SRFBP1: variants seen among roughly 807,000 people sequenced by gnomAD.
SRFBP1 encodes the protein serum response factor binding protein 1.
A neutral mutation model predicts 45.5 loss-of-function variants in SRFBP1; 47 were observed. That is an observed-to-expected ratio of 1.03 (90% CI 0.82 to 1.32). SRFBP1 has a LOEUF of 1.32. SRFBP1 is among the 40% of genes most tolerant of loss of function. SRFBP1 has a pLI of 0.00. For missense variants in SRFBP1, 621 were observed against 484.6 expected, an observed-to-expected ratio of 1.28 and a Z score of -2.64; for synonymous variants, 203 against 166.3, an observed-to-expected ratio of 1.22 and a Z score of -1.70.
rs1196474508 is a variant in SRFBP1 at position 122,027,470 on chromosome 5, G to A, written c.*344G>A. ...TATAAGCCTTTCACAAATCCAATAT[G>A]TACTTAAATTGATTTTTAATAATAT... On this transcript the variant is annotated 3_prime_UTR_variant, in exon 8 of 8. Transcript: ENST00000339397. 1 of 156,928 alleles carries A rather than the reference G, an allele frequency of 6.4e-6. No individual in the cohort carries two copies. The highest frequency in any genetic ancestry group is 2.4e-5 in the African/African-American group (1 of 41,550). 9.7% of individuals were successfully genotyped at this position (156,928 alleles called of 1,614,324 possible).
At chr5:122,029,537 C>G (rs560280470), downstream of SRFBP1, among the ~76,000 whole-genome samples, 3 of 152,218 alleles carry the variant, frequency 2.0e-5, no homozygotes, top group South Asian at 4.2e-4. Context: ...TATTTCCTTC[C>G]TCTAGTATTT....
chr5:122,062,401 G>A (rs1754185602), intron 2 of SRFBP1, among the ~76,000 whole-genome samples: 1 of 151,768 alleles, frequency 6.6e-6, no homozygotes, highest in African/African-American at 2.4e-5. Context: ...ATTAACAAAT[G>A]AGTCACATAA....
At chr5:122,001,333 A>G (rs138418809) in intron 4 of SRFBP1, among the ~76,000 whole-genome samples, 1,642 of 150,848 alleles carry the variant, frequency 0.011, 36 homozygotes, top group African/African-American at 0.038. Context: ...TGTGCAAATC[A>G]GCATGCTAGA....
chr5:121,962,371 G>C (rs1751966802), intron 1 of SRFBP1, among the ~76,000 whole-genome samples: 1 of 152,216 alleles, frequency 6.6e-6, no homozygotes, highest in South Asian at 2.1e-4. Flanking sequence ...GTTCGTCCCA[G>C]GGTTGTGAGA....
intron 2 of SRFBP1, among the ~76,000 whole-genome samples, chr5:122,037,987 G>A (rs1753719050): frequency 6.6e-6 from 1 of 152,182 alleles, no homozygotes; most frequent in African/African-American, 2.4e-5. Context: ...AGTGGAATGT[G>A]GATGAAAACT....
intron 1 of SRFBP1, among the ~76,000 whole-genome samples, chr5:121,968,040 A>C (rs1181937942): frequency 6.6e-6 from 1 of 151,960 alleles, no homozygotes; most frequent in Non-Finnish European, 1.5e-5. Flanking sequence ...TTTCTCTTAT[A>C]TATTTTTCAC....
chr5:121,973,678 A>T lies in SRFBP1; in HGVS notation c.37-518A>T, dbSNP rs75790744. On this transcript the variant is annotated intron_variant, in intron 1 of 7. Coordinates refer to ENST00000339397, the MANE Select transcript of SRFBP1 (RefSeq NM_152546.3). ...GCACACAATGCCCTTGTGTTTGTGG[A>T]TCTTCTTTTAAAATTATACTTGAAA... Among the ~76,000 whole-genome samples, 589 of 151,542 alleles carry T rather than the reference A, an allele frequency of 3.9e-3. 14 individuals are homozygous for T. The East Asian group carries it at 0.048, about 12-fold the overall frequency.
chr5:122,030,249 A>G (rs994965230), downstream of SRFBP1, among the ~76,000 whole-genome samples: 10 of 152,232 alleles, frequency 6.6e-5, no homozygotes, highest in Non-Finnish European at 8.8e-5. Context: ...CAATCCAAGA[A>G]GTATTTACTA....
chr5:122,040,373 T>C (rs1753756040), intron 2 of SRFBP1, among the ~76,000 whole-genome samples: 2 of 152,160 alleles, frequency 1.3e-5, no homozygotes, highest in African/African-American at 4.8e-5. Flanking sequence ...TACTGGAATG[T>C]TGTTTGTACT....
intron 4 of SRFBP1, among the ~76,000 whole-genome samples, chr5:121,999,645 G>C (rs1752812975): frequency 6.6e-6 from 1 of 151,878 alleles, no homozygotes; most frequent in African/African-American, 2.4e-5. Flanking sequence ...AAACTTTTAG[G>C]ATTTATGTTC....
chr5:122,062,691 A>G (rs1044562695), intron 2 of SRFBP1, among the ~76,000 whole-genome samples: 1 of 152,014 alleles, frequency 6.6e-6, no homozygotes, highest in Non-Finnish European at 1.5e-5. Flanking sequence ...TTAAGGATGA[A>G]TTGTTTTTGT....
rs756146324 is a variant in SRFBP1, at chr5:122,020,458, C to T, written c.723C>T (p.Ser241=). ...SQTKKNKGSD[S]SLSGNSDGGE... ...CCAAAAAAAACAAAGGATCTGATAG[C>T]TCACTCTCTGGTAACAGTGATGGCG... is the stretch of plus-strand genomic sequence containing the variant. Residue 241 remains serine, a synonymous_variant, in exon 6 of 8, where the codon AGC becomes AGT. Coordinates refer to ENST00000339397, the MANE Select transcript of SRFBP1 (RefSeq NM_152546.3). The T allele has an allele frequency of 3.7e-6, 6 of 1,613,910 alleles. No individual in the cohort carries two copies. The East Asian group carries it at 1.1e-4, about 30-fold the overall frequency.
intron 2 of SRFBP1, among the ~76,000 whole-genome samples, chr5:122,060,683 A>C (rs920346923): frequency 1.3e-5 from 2 of 152,100 alleles, no homozygotes; most frequent in Non-Finnish European, 2.9e-5. Flanking sequence ...CCCGGTCTGC[A>C]GGCAACCAGA....
intron 2 of SRFBP1, chr5:122,074,214 A>T: frequency 1.0e-5 from 16 of 1,542,538 alleles, no homozygotes; most frequent in Non-Finnish European, 1.4e-5. Flanking sequence ...TTACATACAG[A>T]GAAAGCAATG....
At chr5:122,059,677 G>T (rs937773251) in intron 2 of SRFBP1, among the ~76,000 whole-genome samples, 2 of 152,062 alleles carry the variant, frequency 1.3e-5, no homozygotes, top group African/African-American at 4.8e-5. Flanking sequence ...AAGAACATGG[G>T]TATTTTGCTG....
intron 1 of SRFBP1, among the ~76,000 whole-genome samples, chr5:121,968,111 T>G (rs1359523048): frequency 6.6e-6 from 1 of 152,086 alleles, no homozygotes; most frequent in African/African-American, 2.4e-5. Context: ...ACTTTTAAAC[T>G]GCATATTGTT....
At chr5:122,026,287 T>G (rs1753478593) in intron 7 of SRFBP1, among the ~76,000 whole-genome samples, 1 of 152,214 alleles carries the variant, frequency 6.6e-6, no homozygotes, top group Admixed American at 6.5e-5. Flanking sequence ...CAAATAAGAC[T>G]TGGTTCAAAA....
At chr5:122,075,817 T>G (rs113644540), downstream of SRFBP1, among the ~76,000 whole-genome samples, 74 of 152,214 alleles carry the variant, frequency 4.9e-4, no homozygotes, top group African/African-American at 1.7e-3. Flanking sequence ...AAAAACATAA[T>G]AAGCATTAAA....
intron 4 of SRFBP1, among the ~76,000 whole-genome samples, chr5:121,999,257 T>C (rs73285744): frequency 0.034 from 5,224 of 152,214 alleles, 307 homozygotes; most frequent in African/African-American, 0.12. Flanking sequence ...TGTTGCTTAA[T>C]TTCCAGACCG....
Sources: gnomAD v4.1 joint callset for allele counts (sites outside exome capture counted in the v4.1 genomes callset) on GRCh38, gnomAD v4.1.1 for gene constraint, MANE v1.5 for transcripts, NCBI Gene and HGNC (gene_info 2026-07-23, HGNC 2026-07-21) for gene names.